CAMTA1: variants seen among roughly 807,000 people sequenced by gnomAD.
The protein encoded by CAMTA1 is calmodulin-binding transcription activator 1.
CAMTA1 carries 27 observed loss-of-function variants against 170.9 expected under a neutral mutation model. The ratio of observed to expected loss-of-function variants is 0.16; its 90% CI spans 0.12 to 0.22. The LOEUF is 0.22. Ranked by LOEUF, CAMTA1 falls within the 10% of genes least tolerant of loss-of-function variation. The probability of loss-of-function intolerance (pLI) is 1.00; values close to 1 mark genes in which losing one functional copy is unlikely to be tolerated. For synonymous variants in CAMTA1, 833 were observed against 891.5 expected (o/e 0.93, Z 1.17); for missense variants, 1,619 against 2,217.2 (o/e 0.73, Z 5.42).
chr1:6,858,982 C>T (rs1023606854), intron 3 of CAMTA1, among the ~76,000 whole-genome samples: 3 of 152,074 alleles, frequency 2.0e-5, no homozygotes, highest in African/African-American at 7.2e-5. Flanking sequence ...ATTGCTGTCC[C>T]CTCCCATAGA....
At chr1:7,684,303 CTCCT>C (rs1411515293) in intron 11 of CAMTA1, among the ~76,000 whole-genome samples, 3 of 152,232 alleles carry the variant, frequency 2.0e-5, no homozygotes, top group South Asian at 2.1e-4. Flanking sequence ...GGCCAGATGG[CTCCT>C]TCCAGAGTGT....
chr1:7,381,503 C>T (rs1575023815), intron 5 of CAMTA1, among the ~76,000 whole-genome samples: 2 of 151,678 alleles, frequency 1.3e-5, no homozygotes, highest in South Asian at 4.2e-4. Flanking sequence ...TTTATGGCTG[C>T]ATAGTATTCC....
rs1278885412 is a variant in CAMTA1, at chr1:7,036,938, T to TGAGGCC, written c.235-54366_235-54365insGAGGCC. On this transcript the variant is annotated intron_variant, in intron 3 of 22. Coordinates refer to ENST00000303635, the MANE Select transcript of CAMTA1 (RefSeq NM_015215.4). ...CGGGGTTAATTGCGTGGAGGCTGTG[T>TGAGGCC]TTCAGTGAGGCCTTGGAAGTTCGGG... 8.5e-5 allele frequency among the ~76,000 whole-genome samples: 13 copies of TGAGGCC among 152,346 alleles called. No individual in the cohort carries two copies. The East Asian group carries it at 2.5e-3, about 29-fold the overall frequency.
At chr1:7,328,765 A>C (rs2082849509) in intron 5 of CAMTA1, among the ~76,000 whole-genome samples, 1 of 151,738 alleles carries the variant, frequency 6.6e-6, no homozygotes. Context: ...TGTATTTTTT[A>C]TCTCTAGAAG....
At chr1:7,150,600 G>A (rs140094456) in intron 4 of CAMTA1, among the ~76,000 whole-genome samples, 24 of 152,110 alleles carry the variant, frequency 1.6e-4, no homozygotes, top group Middle Eastern at 3.4e-3. Context: ...ACAACCAAGT[G>A]TGTCTCCAGG....
chr1:6,867,905 GCTTGTGTTCCTT>G (rs1433423424), intron 3 of CAMTA1, among the ~76,000 whole-genome samples: 1 of 151,904 alleles, frequency 6.6e-6, no homozygotes, highest in African/African-American at 2.4e-5. Context: ...CACCTCCTGG[GCTTGTGTTCCTT>G]CTGCCTCAGC....
intron 5 of CAMTA1, among the ~76,000 whole-genome samples, chr1:7,434,477 ATTC>A (rs1461433769): frequency 6.7e-6 from 1 of 150,218 alleles, no homozygotes; most frequent in Admixed American, 6.6e-5. Flanking sequence ...TCATTCATTC[ATTC>A]AGATTCAGCA....
In CAMTA1 at chr1:7,570,318, G is replaced by A. The variant is rs1393085032; in HGVS notation, c.511-70082G>A. ...TAAAAGTTCCTACATTCCACTGTAG[G>A]TCAATTACACTGTAACCTGAATTGG... On this transcript the variant is annotated intron_variant, in intron 6 of 22. Transcript: ENST00000303635. This position sits in a 1 kb window ranked among gnomAD's most constrained non-coding sequence, Gnocchi z 4.3. 6.6e-6 allele frequency among the ~76,000 whole-genome samples: 1 copy of A among 152,178 alleles called. No homozygotes were observed. Among genetic ancestry groups the A allele is most frequent in the Non-Finnish European group, 1.5e-5 (1 of 68,046 alleles).
chr1:6,916,486 A>G (rs182693761), intron 3 of CAMTA1, among the ~76,000 whole-genome samples: 45 of 152,260 alleles, frequency 3.0e-4, no homozygotes, highest in African/African-American at 8.9e-4. Flanking sequence ...ACAGGCCCTC[A>G]TGTTTGCTGC....
At chr1:7,155,112 G>A (rs760024022) in intron 4 of CAMTA1, among the ~76,000 whole-genome samples, 2 of 152,218 alleles carry the variant, frequency 1.3e-5, no homozygotes, top group Non-Finnish European at 2.9e-5. Flanking sequence ...CAGAGGCACG[G>A]AACAGGATGG....
At chr1:7,688,559 G>C (rs973219025) in intron 11 of CAMTA1, among the ~76,000 whole-genome samples, 1 of 152,134 alleles carries the variant, frequency 6.6e-6, no homozygotes, top group Non-Finnish European at 1.5e-5. Context: ...CTGAGACCCA[G>C]AACACCCACC....
chr1:7,520,136 C>T (rs1376932860), intron 6 of CAMTA1, among the ~76,000 whole-genome samples: 2 of 144,056 alleles, frequency 1.4e-5, no homozygotes, highest in South Asian at 2.3e-4. Context: ...ACTTGAAGAA[C>T]CCACCCTGTT....
At chr1:7,612,082 G>C (rs1388583913) in intron 6 of CAMTA1, among the ~76,000 whole-genome samples, 2 of 152,216 alleles carry the variant, frequency 1.3e-5, no homozygotes, top group Non-Finnish European at 2.9e-5. Context: ...GCCATCCACG[G>C]ACAGCTAAGT....
intron 3 of CAMTA1, among the ~76,000 whole-genome samples, chr1:6,900,545 G>A (rs1473950136): frequency 6.6e-6 from 1 of 151,736 alleles, no homozygotes; most frequent in Non-Finnish European, 1.5e-5. Context: ...AAAAACCCAT[G>A]GAATCTATAT....
At chr1:6,788,872 A>T (rs557913342) in intron 1 of CAMTA1, among the ~76,000 whole-genome samples, 2 of 152,250 alleles carry the variant, frequency 1.3e-5, no homozygotes, top group South Asian at 4.1e-4. Context: ...GCCACAGATG[A>T]TTGGAAATTA....
At chr1:7,202,982 T>TGA (rs1265728177) in intron 4 of CAMTA1, among the ~76,000 whole-genome samples, 2 of 152,204 alleles carry the variant, frequency 1.3e-5, no homozygotes, top group Non-Finnish European at 2.9e-5. Flanking sequence ...CAGTCTTTCA[T>TGA]CATTAAGTAT....
intron 18 of CAMTA1, among the ~76,000 whole-genome samples, chr1:7,747,359 T>TA (rs2096864482): frequency 6.6e-6 from 1 of 152,196 alleles, no homozygotes; most frequent in African/African-American, 2.4e-5. Context: ...AAAAAAGTGT[T>TA]AAAAGCCATT....
chr1:7,601,494 C>G (rs528504883), intron 6 of CAMTA1, among the ~76,000 whole-genome samples: 1 of 147,198 alleles, frequency 6.8e-6, no homozygotes, highest in East Asian at 2.0e-4. Flanking sequence ...ACATCCCAGA[C>G]GATGGGCGGC....
At chr1:7,706,096 A>G (rs2096522386) in intron 11 of CAMTA1, among the ~76,000 whole-genome samples, 1 of 152,246 alleles carries the variant, frequency 6.6e-6, no homozygotes, top group Non-Finnish European at 1.5e-5. Context: ...TGAAATGATG[A>G]TATTCTTGCA....
Sources: allele counts gnomAD v4.1 joint callset (sites outside exome capture counted in the v4.1 genomes callset), GRCh38; gene constraint gnomAD v4.1.1; non-coding constraint Gnocchi (gnomAD v3.1); transcripts MANE v1.5; gene names NCBI Gene and HGNC (gene_info 2026-07-23, HGNC 2026-07-21).